FAM135A: variants seen among roughly 807,000 people sequenced by gnomAD.
The protein encoded by FAM135A is protein FAM135A.
A neutral mutation model predicts 146.8 loss-of-function variants in FAM135A; 79 were observed. The observed-to-expected ratio is 0.54, with a 90% CI of 0.45 to 0.65. The LOEUF (loss-of-function observed/expected upper bound fraction) is 0.65, where lower values mean the gene tolerates loss of function less well. Ranked by LOEUF, FAM135A falls within the 30% of genes least tolerant of loss-of-function variation. The pLI is 0.00. For synonymous variants in FAM135A, 562 were observed against 603.6 expected, an observed-to-expected ratio of 0.93 and a Z score of 1.01; for missense variants, 1,623 against 1,758.2, an observed-to-expected ratio of 0.92 and a Z score of 1.38.
At chr6:70,452,361 A>G (rs916785567) in intron 4 of FAM135A, 131 bp from the exon 5 acceptor site, 11 of 648,924 alleles carry the variant, frequency 1.7e-5, no homozygotes, top group African/African-American at 3.9e-5. Flanking sequence ...TTCCAACAAT[A>G]GTAAATGTTA....
rs1184639759 is a variant in FAM135A, at chr6:70,556,849, A to G, written c.4328A>G (p.Lys1443Arg). 6.2e-7 allele frequency: 1 copy of G among 1,613,506 alleles called. No individual in the cohort carries two copies. Among genetic ancestry groups the G allele is most frequent in the East Asian group, 2.2e-5 (1 of 44,878 alleles). The part of the protein sequence containing the change: ...ARIEMCKTAL[K>R]DKQSGQIYSE... ...ATTGAAATGTGTAAAACAGCTTTAA[A>G]GGACAAACAGTCAGGTAATGGAATA... The change falls in exon 21 of 22, where the codon AAG becomes AGG. Residue 1443 changes from lysine (K) to arginine (R), a missense_variant. This residue lies in a region of FAM135A where 138 missense variants were observed against 174.1 expected (regional missense o/e 0.79). Coordinates refer to ENST00000418814, the MANE Select transcript of FAM135A (RefSeq NM_001162529.3).
At chr6:70,519,363 T>C (rs1053477208) in intron 12 of FAM135A, among the ~76,000 whole-genome samples, 2 of 152,214 alleles carry the variant, frequency 1.3e-5, no homozygotes, top group Non-Finnish European at 2.9e-5. Flanking sequence ...GTGAAGATGC[T>C]GCGAACATTG....
chr6:70,439,483 T>G (rs971728387), intron 4 of FAM135A, among the ~76,000 whole-genome samples: 9 of 152,222 alleles, frequency 5.9e-5, no homozygotes, highest in Admixed American at 1.3e-4. Context: ...ACTTTCAACC[T>G]TTCTCTTTCC....
Position 70,524,610 on chromosome 6 carries a change from TAATA to T in FAM135A, c.1529_1532del (p.Ile510AsnfsTer11). ...ATGAAATCTGAAAACACAAAAAAAT[TAATA>T]AAACAGAACTCTAAGGATTCTGTGG... On this transcript the variant is annotated frameshift_variant, in exon 15 of 22. Transcript: ENST00000418814. LOFTEE classifies it high-confidence loss of function. 2.6e-6 allele frequency: 4 copies of T among 1,543,896 alleles called. No homozygotes were observed. The highest frequency in any genetic ancestry group is 3.5e-6 in the Non-Finnish European group (4 of 1,145,072).
Position 70,549,730 on chromosome 6 carries a change from T to C in FAM135A, c.4229-7020T>C, listed in dbSNP as rs568491576. ...CAATCAGGGTGGTGGTTGCTGAAGATAGAGGTGGCTATGGCAATTTCTTAA... is the reference window on the plus strand; with the variant it reads ...CAATCAGGGTGGTGGTTGCTGAAGACAGAGGTGGCTATGGCAATTTCTTAA... On this transcript the variant is annotated intron_variant, in intron 20 of 21. Transcript: ENST00000418814. Among the ~76,000 whole-genome samples the C allele has an allele frequency of 2.6e-4, 40 of 152,300 alleles. No homozygotes were observed. In the South Asian group the frequency reaches 8.3e-3, roughly 32 times the overall value.
chr6:70,531,360 C>G (rs984068604), intron 16 of FAM135A, among the ~76,000 whole-genome samples: 1 of 152,198 alleles, frequency 6.6e-6, no homozygotes, highest in African/African-American at 2.4e-5. Context: ...CAAGATGATA[C>G]TGGTAAAGCC....
intron 5 of FAM135A, among the ~76,000 whole-genome samples, chr6:70,459,177 T>C (rs1321222713): frequency 6.6e-6 from 1 of 152,196 alleles, no homozygotes; most frequent in Admixed American, 6.5e-5. Flanking sequence ...TCTATTTTTC[T>C]TTTAACTTTG....
intron 4 of FAM135A, among the ~76,000 whole-genome samples, chr6:70,434,251 C>T (rs1772435727): frequency 6.6e-6 from 1 of 152,178 alleles, no homozygotes; most frequent in Admixed American, 6.5e-5. Context: ...AACACCTGTT[C>T]TCATTGGCAT....
chr6:70,532,658 C>T (rs569582117), intron 16 of FAM135A, among the ~76,000 whole-genome samples: 1 of 152,208 alleles, frequency 6.6e-6, no homozygotes, highest in African/African-American at 2.4e-5. Context: ...GTTGGCCAGG[C>T]ACGGTGGCTC....
chr6:70,431,165 T>C (rs983730320), intron 4 of FAM135A, among the ~76,000 whole-genome samples: 2 of 152,188 alleles, frequency 1.3e-5, no homozygotes, highest in African/African-American at 4.8e-5. Context: ...ACACCACTTC[T>C]AGGTATCGAT....
chr6:70,452,828 A>G (rs944567076), intron 5 of FAM135A, among the ~76,000 whole-genome samples: 1 of 152,220 alleles, frequency 6.6e-6, no homozygotes, highest in Non-Finnish European at 1.5e-5. Context: ...ATTGGTATCC[A>G]TTATATCATA....
intron 2 of FAM135A, chr6:70,417,426 A>G (rs190474163): frequency 3.5e-5 from 6 of 171,572 alleles, no homozygotes; most frequent in Non-Finnish European, 7.0e-5. Flanking sequence ...ATTGGCCAGC[A>G]GGTCTCAAAC....
At chr6:70,541,478 T>A (rs1378234392) in intron 20 of FAM135A, among the ~76,000 whole-genome samples, 2 of 152,186 alleles carry the variant, frequency 1.3e-5, no homozygotes, top group African/African-American at 4.8e-5. Context: ...GATCCACCTC[T>A]CCTGGTTTTT....
At position 70,526,231 on chromosome 6, in the gene FAM135A, G is replaced by A. The variant is rs369781459; in HGVS notation, c.3147G>A (p.Thr1049=). Residue 1049 remains threonine (T), a synonymous_variant, in exon 15 of 22, where the codon ACG becomes ACA. Transcript: ENST00000418814. ...VENYFGSQSS[T]DISDTCAVSY... ...ATTATTTTGGTTCTCAAAGCAGTAC[G>A]GATATTTCTGACACATGTGCTGTTA... The A allele has an allele frequency of 8.7e-6, 14 of 1,613,470 alleles. No individual in the cohort carries two copies. The East Asian group carries it at 8.9e-5, about 10-fold the overall frequency.
intron 1 of FAM135A, chr6:70,414,052 C>T (rs1434403172): frequency 4.1e-6 from 4 of 985,500 alleles, no homozygotes; most frequent in African/African-American, 3.5e-5. Context: ...GTCGCTCTGT[C>T]CCTCCTTTAC....
At chr6:70,545,807 C>T (rs1334547575) in intron 20 of FAM135A, among the ~76,000 whole-genome samples, 1 of 152,164 alleles carries the variant, frequency 6.6e-6, no homozygotes, top group Non-Finnish European at 1.5e-5. Context: ...GATGAGGACA[C>T]TGAAGCACAG....
rs1794693236 is a variant in FAM135A at position 70,526,392 on chromosome 6, CAG to C, written c.3310_3311del (p.Asp1104LeufsTer17). 1 of 1,613,434 alleles carries C rather than the reference CAG, an allele frequency of 6.2e-7. No individual in the cohort carries two copies. The highest frequency in any genetic ancestry group is 8.5e-7 in the Non-Finnish European group (1 of 1,179,648). On this transcript the variant is annotated frameshift_variant, in exon 15 of 22. Transcript: ENST00000418814. LOFTEE classifies it high-confidence loss of function. ...GTTCAAAATGGGTACTATGAAGAAA[CAG>C]ATTATTCAGCTTTGGATGGAACAAT...
chr6:70,491,311 G>A (rs747663107), intron 11 of FAM135A, among the ~76,000 whole-genome samples: 1 of 151,892 alleles, frequency 6.6e-6, no homozygotes, highest in Non-Finnish European at 1.5e-5. Context: ...AAATGAAATA[G>A]CAAAGATAAT....
chr6:70,497,048 CA>C (rs1787444305), intron 11 of FAM135A, among the ~76,000 whole-genome samples: 1 of 152,046 alleles, frequency 6.6e-6, no homozygotes, highest in African/African-American at 2.4e-5. Flanking sequence ...TGAAGAAAGT[CA>C]ATAGTATCTT....
Sources: allele counts gnomAD v4.1 joint callset (sites outside exome capture counted in the v4.1 genomes callset), GRCh38; gene constraint gnomAD v4.1.1; regional missense constraint gnomAD v4.1.1; transcripts MANE v1.5; gene names NCBI Gene and HGNC (gene_info 2026-07-23, HGNC 2026-07-21).